BTC: variants seen among roughly 807,000 people sequenced by gnomAD.
The protein encoded by BTC is betacellulin.
BTC carries 13 observed loss-of-function variants against 18.1 expected under a neutral mutation model. The ratio of observed to expected loss-of-function variants is 0.72; its 90% CI spans 0.47 to 1.14. BTC has a LOEUF of 1.14. BTC is among the 50% of genes most tolerant of loss of function. The pLI is 0.00. For missense variants in BTC, 247 were observed against 224.2 expected, an observed-to-expected ratio of 1.10 and a Z score of -0.65; for synonymous variants, 83 against 79.4, an observed-to-expected ratio of 1.05 and a Z score of -0.24.
chr4:74,761,921 G>A (rs1724767532), intron 2 of BTC, among the ~76,000 whole-genome samples: 2 of 152,114 alleles, frequency 1.3e-5, no homozygotes, highest in Non-Finnish European at 2.9e-5. Flanking sequence ...TCCTTGGCAA[G>A]GCTCTATTAT....
intron 1 of BTC, among the ~76,000 whole-genome samples, chr4:74,776,734 A>G (rs1328653552): frequency 6.6e-6 from 1 of 152,138 alleles, no homozygotes; most frequent in Non-Finnish European, 1.5e-5. Context: ...TGACCAACTT[A>G]AACAGTCATG....
chr4:74,793,696 G>T (rs115834239), intron 1 of BTC, among the ~76,000 whole-genome samples: 1,670 of 152,190 alleles, frequency 0.011, 31 homozygotes, highest in African/African-American at 0.039. Context: ...TCCTAAGGAG[G>T]CAGGAGAGAC....
chr4:74,749,422 G>T (rs914053983), intron 4 of BTC, among the ~76,000 whole-genome samples: 1 of 151,856 alleles, frequency 6.6e-6, no homozygotes, highest in Non-Finnish European at 1.5e-5. Context: ...TCACGCCGTT[G>T]CAGTGAGCCA....
intron 1 of BTC, among the ~76,000 whole-genome samples, chr4:74,784,059 C>T (rs1380183822): frequency 6.6e-6 from 1 of 151,718 alleles, no homozygotes; most frequent in African/African-American, 2.4e-5. Flanking sequence ...ATGATGAAAC[C>T]CTGTCTCTAC....
chr4:74,782,585 A>G (rs1725362324), intron 1 of BTC, among the ~76,000 whole-genome samples: 1 of 152,150 alleles, frequency 6.6e-6, no homozygotes, highest in Non-Finnish European at 1.5e-5. Context: ...TCTTTATAGT[A>G]GAATAATTTA....
intron 3 of BTC, among the ~76,000 whole-genome samples, chr4:74,751,311 T>C (rs1178614151): frequency 6.6e-6 from 1 of 152,158 alleles, no homozygotes; most frequent in Non-Finnish European, 1.5e-5. Context: ...CTAGTTCTAC[T>C]GCTTGAGGGC....
intron 1 of BTC, among the ~76,000 whole-genome samples, chr4:74,777,875 G>C (rs1347098795): frequency 6.6e-6 from 1 of 152,040 alleles, no homozygotes; most frequent in Non-Finnish European, 1.5e-5. Flanking sequence ...TAAAATTAAA[G>C]TTTTTAAGTT....
intron 1 of BTC, among the ~76,000 whole-genome samples, chr4:74,772,338 C>A (rs899833882): frequency 6.6e-6 from 1 of 152,136 alleles, no homozygotes; most frequent in Non-Finnish European, 1.5e-5. Flanking sequence ...CTCCCAGCAC[C>A]TGCCCTTTCC....
At chr4:74,773,216 C>T (rs78954755) in intron 1 of BTC, among the ~76,000 whole-genome samples, 8,078 of 152,274 alleles carry the variant, frequency 0.053, 348 homozygotes, top group Admixed American at 0.12. Flanking sequence ...GAGTTTTCTT[C>T]TTCCATTGAA....
At chr4:74,781,897 G>T (rs963646389) in intron 1 of BTC, among the ~76,000 whole-genome samples, 2 of 151,812 alleles carry the variant, frequency 1.3e-5, no homozygotes, top group Admixed American at 6.6e-5. Flanking sequence ...CCCCCATTCT[G>T]CTTTCCATCT....
chr4:74,794,283 G>A lies in BTC; in HGVS notation c.43C>T (p.Leu15=), dbSNP rs761958860. ...TTACCCAGGGCAAGGGCCAGGAGCA[G>A]TGGCAGGGAGCTGGCGCCGCTGCAC... is the stretch of plus-strand genomic sequence containing the variant. ...ARCSGASSLP[L]LLALALGLVI... is the part of the protein sequence containing the mutation. Residue 15 remains leucine, a synonymous_variant, in exon 1 of 6, where the codon CTG becomes TTG. Transcript: ENST00000395743. 7 of 1,549,520 alleles carry A rather than the reference G, an allele frequency of 4.5e-6. No individual in the cohort carries two copies. The highest frequency in any genetic ancestry group is 6.1e-6 in the Non-Finnish European group (7 of 1,146,674).
At chr4:74,758,662 AC>A (rs1305877093) in intron 2 of BTC, among the ~76,000 whole-genome samples, 1 of 152,158 alleles carries the variant, frequency 6.6e-6, no homozygotes, top group Non-Finnish European at 1.5e-5. Flanking sequence ...AGAGTGTGAT[AC>A]CAAAAAGCAA....
intron 2 of BTC, among the ~76,000 whole-genome samples, chr4:74,762,264 G>A (rs1553957403): frequency 6.6e-6 from 1 of 152,144 alleles, no homozygotes; most frequent in African/African-American, 2.4e-5. Context: ...AGTTTAGGTT[G>A]GTGATTAACA....
At chr4:74,761,706 T>A (rs1184277861) in intron 2 of BTC, among the ~76,000 whole-genome samples, 2 of 152,180 alleles carry the variant, frequency 1.3e-5, no homozygotes, top group Non-Finnish European at 2.9e-5. Context: ...CCGGCTGCAT[T>A]CAAAATACAT....
intron 1 of BTC, among the ~76,000 whole-genome samples, chr4:74,781,555 T>G (rs1038028269): frequency 3.9e-5 from 6 of 152,022 alleles, no homozygotes; most frequent in African/African-American, 1.4e-4. Context: ...TGGTTGACTT[T>G]CCCAAATCTT....
rs1724286347 is a variant in BTC, at chr4:74,746,311, A to G, written c.*366T>C. 2 of 152,278 alleles carry G rather than the reference A, an allele frequency of 1.3e-5. No homozygotes were observed. Among genetic ancestry groups the G allele is most frequent in the African/African-American group, 4.8e-5 (2 of 41,466 alleles). 9.4% of individuals were successfully genotyped at this position (152,278 alleles called of 1,614,324 possible). ...TAATATATTTCAAACTTATTAGCAC[A>G]TGGTAAATGCTTGATAAATGGTAGC... On this transcript the variant is annotated 3_prime_UTR_variant, in exon 6 of 6. Coordinates refer to ENST00000395743, the MANE Select transcript of BTC (RefSeq NM_001729.4).
At chr4:74,751,589 C>G (rs1402467155) in intron 3 of BTC, among the ~76,000 whole-genome samples, 1 of 152,158 alleles carries the variant, frequency 6.6e-6, no homozygotes, top group Non-Finnish European at 1.5e-5. Flanking sequence ...TAGGATACAT[C>G]TAACATAAAC....
intron 2 of BTC, among the ~76,000 whole-genome samples, chr4:74,763,108 G>C (rs6853770): frequency 0.68 from 104,050 of 152,032 alleles, 37,637 homozygotes; most frequent in East Asian, 0.95. Flanking sequence ...TCCATCTCTA[G>C]ATAATATTTC....
At chr4:74,790,256 T>C (rs543180206) in intron 1 of BTC, among the ~76,000 whole-genome samples, 1 of 152,338 alleles carries the variant, frequency 6.6e-6, no homozygotes, top group Admixed American at 6.5e-5. Flanking sequence ...TCCTGTGCTT[T>C]CCTACTGTCT....
Sources: gnomAD v4.1 joint callset for allele counts (sites outside exome capture counted in the v4.1 genomes callset) on GRCh38, gnomAD v4.1.1 for gene constraint, MANE v1.5 for transcripts, NCBI Gene and HGNC (gene_info 2026-07-23, HGNC 2026-07-21) for gene names.